PLPPR1: variants seen among roughly 807,000 people sequenced by gnomAD.
The protein encoded by PLPPR1 is phospholipid phosphatase related 1, also known as phospholipid phosphatase-related protein type 1.
PLPPR1 carries 10 observed loss-of-function variants against 33.1 expected under a neutral mutation model. That is an observed-to-expected ratio of 0.30 (90% confidence interval 0.19 to 0.51). The LOEUF (loss-of-function observed/expected upper bound fraction) is 0.51. Among genes scored for constraint, PLPPR1 ranks in the 20% least tolerant of loss-of-function variants. The probability of loss-of-function intolerance (pLI) is 0.97; values close to 1 mark genes in which losing one functional copy is unlikely to be tolerated. For synonymous variants in PLPPR1, 151 were observed against 151.0 expected (o/e 1.00, Z 0.00); for missense variants, 304 against 408.1 (o/e 0.74, Z 2.20).
At chr9:101,277,641 G>A (rs1384836412) in intron 3 of PLPPR1, among the ~76,000 whole-genome samples, 2 of 152,150 alleles carry the variant, frequency 1.3e-5, no homozygotes, top group African/African-American at 2.4e-5. Flanking sequence ...TAGGGATCCT[G>A]TAGTAAAACT....
chr9:101,170,700 C>A (rs2118689097), intron 1 of PLPPR1, among the ~76,000 whole-genome samples: 1 of 152,260 alleles, frequency 6.6e-6, no homozygotes, highest in Non-Finnish European at 1.5e-5. Context: ...CTTTGGGAGG[C>A]CAAAGTGGGA....
intron 2 of PLPPR1, among the ~76,000 whole-genome samples, chr9:101,219,134 A>G (rs1329805415): frequency 6.6e-6 from 1 of 152,226 alleles, no homozygotes. Context: ...CAGCATCAGC[A>G]TTAATGCTAC....
intron 7 of PLPPR1, chr9:101,322,660 T>A (rs1312557841): frequency 6.6e-6 from 1 of 152,152 alleles, no homozygotes; most frequent in Non-Finnish European, 1.5e-5. Context: ...ATTACATGTA[T>A]AAAAGCTTAA....
chr9:101,039,212 G>A (rs773774854), intron 1 of PLPPR1, among the ~76,000 whole-genome samples: 3 of 152,146 alleles, frequency 2.0e-5, no homozygotes, highest in Non-Finnish European at 4.4e-5. Flanking sequence ...GGACTAGAGC[G>A]TCAGATGGAG....
At chr9:101,299,277 A>G (rs1001846143) in intron 4 of PLPPR1, among the ~76,000 whole-genome samples, 1 of 152,196 alleles carries the variant, frequency 6.6e-6, no homozygotes, top group African/African-American at 2.4e-5. Flanking sequence ...TAAGCAGCCA[A>G]GGCACTAGAT....
intron 3 of PLPPR1, among the ~76,000 whole-genome samples, chr9:101,275,133 A>G (rs1828166534): frequency 6.6e-6 from 1 of 152,186 alleles, no homozygotes; most frequent in African/African-American, 2.4e-5. Context: ...ATGAAGCGTG[A>G]CGCCTCTTGG....
Position 101,180,020 on chromosome 9 carries a change from G to C in PLPPR1, c.-45-5430G>C, listed in dbSNP as rs184759042. On this transcript the variant is annotated intron_variant, in intron 1 of 7. Coordinates refer to ENST00000374874, the MANE Select transcript of PLPPR1 (RefSeq NM_207299.2). The stretch of plus-strand genomic sequence containing the variant: ...AGTTTTGGAACTCAGACTGGCTCTC[G>C]TTGCTCCTCAGCCTGCAGATGGCCT... 2.0e-5 allele frequency among the ~76,000 whole-genome samples: 3 copies of C among 147,440 alleles called. No homozygotes were observed. The Admixed American group carries it at 2.1e-4, about 10-fold the overall frequency.
At position 101,171,274 on chromosome 9, in the gene PLPPR1, C is replaced by T. The variant is rs144349558; in HGVS notation, c.-45-14176C>T. 2.3e-3 allele frequency among the ~76,000 whole-genome samples: 356 copies of T among 152,230 alleles called. 3 individuals are homozygous for T. Among genetic ancestry groups the T allele is most frequent in the African/African-American group, 7.6e-3 (317 of 41,554 alleles). ...AAAGCTGAAAGACTAGTCTTATGAA[C>T]AAGGACAATGTACTGTGGGAGCCCT... On this transcript the variant is annotated intron_variant, in intron 1 of 7. Coordinates refer to ENST00000374874, the MANE Select transcript of PLPPR1 (RefSeq NM_207299.2).
At chr9:101,164,216 C>A (rs79054798) in intron 1 of PLPPR1, among the ~76,000 whole-genome samples, 1 of 152,140 alleles carries the variant, frequency 6.6e-6, no homozygotes, top group Non-Finnish European at 1.5e-5. Flanking sequence ...TAATACTTAT[C>A]AGCTGTGTGA....
chr9:101,099,293 T>C (rs1306762278), intron 1 of PLPPR1, among the ~76,000 whole-genome samples: 2 of 152,228 alleles, frequency 1.3e-5, no homozygotes, highest in African/African-American at 4.8e-5. Flanking sequence ...GCACTGTTTG[T>C]CTGCGTCTGT....
At chr9:101,196,211 T>TC (rs1826390041) in intron 2 of PLPPR1, among the ~76,000 whole-genome samples, 1 of 152,016 alleles carries the variant, frequency 6.6e-6, no homozygotes, top group Non-Finnish European at 1.5e-5. Context: ...GCTAATGCAG[T>TC]GCTATAATAA....
chr9:101,098,442 G>T (rs1830849824), intron 1 of PLPPR1, among the ~76,000 whole-genome samples: 1 of 152,096 alleles, frequency 6.6e-6, no homozygotes, highest in Non-Finnish European at 1.5e-5. Flanking sequence ...CTAGGGTCTG[G>T]AGGTCAGGGA....
At chr9:101,268,700 A>T (rs1047676684) in intron 2 of PLPPR1, among the ~76,000 whole-genome samples, 7 of 152,188 alleles carry the variant, frequency 4.6e-5, no homozygotes, top group African/African-American at 1.7e-4. Flanking sequence ...AAAGATTATG[A>T]TTTCCCTTTA....
chr9:101,272,073 A>ATATTTTCATTTTTGCT (rs1828111815), intron 3 of PLPPR1, among the ~76,000 whole-genome samples: 3 of 152,178 alleles, frequency 2.0e-5, no homozygotes, highest in Non-Finnish European at 2.9e-5. Context: ...CTTAAGACTT[A>ATATTTTCATTTTTGCT]TTTAAGTTGT....
intron 4 of PLPPR1, among the ~76,000 whole-genome samples, chr9:101,294,506 G>C (rs968352567): frequency 6.6e-6 from 1 of 152,016 alleles, no homozygotes; most frequent in African/African-American, 2.4e-5. Flanking sequence ...CAAAAAAAGA[G>C]AATTTTAGAC....
intron 1 of PLPPR1, among the ~76,000 whole-genome samples, chr9:101,053,363 A>T (rs918300281): frequency 1.3e-5 from 2 of 152,138 alleles, no homozygotes; most frequent in Admixed American, 1.3e-4. Flanking sequence ...TCACCACAGG[A>T]TTCATTTAGA....
rs947087828 is a variant in PLPPR1 at position 101,324,585 on chromosome 9, G to C, written c.*528G>C. Reference sequence around the variant, plus strand: ...CTCTGATCTCTTAACAAATTGTTACGTTCAAAGTTTAAAGTGATATATTAA... The same window carrying C: ...CTCTGATCTCTTAACAAATTGTTACCTTCAAAGTTTAAAGTGATATATTAA... On this transcript the variant is annotated 3_prime_UTR_variant, in exon 8 of 8. Coordinates refer to ENST00000374874, the MANE Select transcript of PLPPR1 (RefSeq NM_207299.2). 1 of 152,418 alleles carries C rather than the reference G, an allele frequency of 6.6e-6. No individual in the cohort carries two copies. The highest frequency in any genetic ancestry group is 1.5e-5 in the Non-Finnish European group (1 of 68,242). The allele number at this position is 152,418 out of a possible 1,614,324, so 9.4% of individuals were successfully genotyped here.
At chr9:101,309,486 C>A (rs377608719) in intron 5 of PLPPR1, 25 bp downstream of exon 5, 4 of 1,607,306 alleles carry the variant, frequency 2.5e-6, no homozygotes, top group African/African-American at 2.7e-5. Context: ...CTTGTCTCTC[C>A]TAAGTCCAGT....
chr9:101,117,669 A>C (rs1831132185), intron 1 of PLPPR1, among the ~76,000 whole-genome samples: 1 of 152,212 alleles, frequency 6.6e-6, no homozygotes, highest in Non-Finnish European at 1.5e-5. Flanking sequence ...AAAAAAAAAA[A>C]AAAAAGTACA....
Sources: allele counts gnomAD v4.1 joint callset (sites outside exome capture counted in the v4.1 genomes callset), GRCh38; gene constraint gnomAD v4.1.1; transcripts MANE v1.5; gene names NCBI Gene and HGNC (gene_info 2026-07-23, HGNC 2026-07-21).